Variants in NEK10 observed in about 807,000 individuals in gnomAD.
The protein encoded by NEK10 is NIMA related kinase 10.
A neutral mutation model predicts 159.8 loss-of-function variants in NEK10; 122 were observed. That is an observed-to-expected ratio of 0.76 (90% CI 0.66 to 0.89). The LOEUF (loss-of-function observed/expected upper bound fraction) is 0.89. Ranked by LOEUF, NEK10 falls within the 40% of genes least tolerant of loss-of-function variation. NEK10 has a pLI of 0.00. For synonymous variants in NEK10, 466 were observed against 457.1 expected, an observed-to-expected ratio of 1.02 and a Z score of -0.25; for missense variants, 1,342 against 1,323.1, an observed-to-expected ratio of 1.01 and a Z score of -0.22.
intron 22 of NEK10, among the ~76,000 whole-genome samples, chr3:27,282,073 T>C (rs2042201395): frequency 6.6e-6 from 1 of 152,154 alleles, no homozygotes; most frequent in Admixed American, 6.5e-5. Flanking sequence ...AATGTAAACA[T>C]TGAATATTGA....
chr3:27,171,720 G>T lies in NEK10; in HGVS notation c.2831+99C>A, dbSNP rs960778122. The T allele has an allele frequency of 1.1e-5, 14 of 1,219,370 alleles. No homozygotes were observed. The African/African-American group carries it at 1.5e-4, about 13-fold the overall frequency. The allele number at this position is 1,219,370 out of a possible 1,614,324, so 75.5% of individuals were successfully genotyped here. ...TAAGCTCTAACTCCTATTTCCGCAG[G>T]CACATGGAAACTTCTGGCTATCAGG... On this transcript the variant is annotated intron_variant, in intron 29 of 35. Coordinates refer to ENST00000691995, the MANE Select transcript of NEK10 (RefSeq NM_001394966.1).
Position 27,310,988 on chromosome 3 carries a change from T to C in NEK10, c.597A>G (p.Lys199=), listed in dbSNP as rs533360363. The C allele has an allele frequency of 4.3e-6, 7 of 1,612,404 alleles. No homozygotes were observed. The South Asian group carries it at 6.6e-5, about 15-fold the overall frequency. Residue 199 remains lysine, a synonymous_variant, in exon 9 of 36, where the codon AAA becomes AAG. Transcript: ENST00000691995. ...TYIFQKLAAV[K]DQREWVTTSG... ...TTGTGGTGACCCATTCTCTTTGATC[T>C]TTGACTGCAGCAAGTTTTTGAAAAA...
At position 27,237,647 on chromosome 3, in the gene NEK10, GGAGGAAGGGTGGGAGTGGGGT is replaced by G. The variant is rs549840430; in HGVS notation, c.2090+18628_2090+18648del. Among the ~76,000 whole-genome samples, 17 of 152,136 alleles carry G rather than the reference GGAGGAAGGGTGGGAGTGGGGT, an allele frequency of 1.1e-4. No homozygotes were observed. In the South Asian group the frequency reaches 2.1e-3, roughly 19 times the overall value. On this transcript the variant is annotated intron_variant, in intron 23 of 35. Coordinates refer to ENST00000691995, the MANE Select transcript of NEK10 (RefSeq NM_001394966.1). ...TGATATAATGGATTTTGGGAACTCA[GGAGGAAGGGTGGGAGTGGGGT>G]GAGGAAGGGTGGGAGTGGGGTGAGA...
At chr3:27,280,935 G>GTA (rs1354172577) in intron 22 of NEK10, among the ~76,000 whole-genome samples, 6 of 145,458 alleles carry the variant, frequency 4.1e-5, no homozygotes, top group Non-Finnish European at 9.2e-5. Flanking sequence ...GTGTGTGTGT[G>GTA]TGTATATGTA....
chr3:27,144,590 T>C (rs941462997), intron 30 of NEK10, among the ~76,000 whole-genome samples: 11 of 152,314 alleles, frequency 7.2e-5, no homozygotes, highest in African/African-American at 2.6e-4. Context: ...GCCAATCTGA[T>C]TGCTTTTGTA....
At chr3:27,302,456 T>C (rs971385980) in intron 12 of NEK10, among the ~76,000 whole-genome samples, 1 of 152,192 alleles carries the variant, frequency 6.6e-6, no homozygotes, top group Non-Finnish European at 1.5e-5. Context: ...CCTTGTTTTC[T>C]TTCCTAGCTC....
intron 23 of NEK10, among the ~76,000 whole-genome samples, chr3:27,203,486 G>A (rs1447106382): frequency 1.3e-5 from 2 of 152,118 alleles, no homozygotes; most frequent in Non-Finnish European, 2.9e-5. Context: ...TTTTTGTGAA[G>A]GCGAGTGTAG....
At chr3:27,248,129 T>A (rs757367475) in intron 23 of NEK10, among the ~76,000 whole-genome samples, 2 of 152,148 alleles carry the variant, frequency 1.3e-5, no homozygotes, top group African/African-American at 2.4e-5. Context: ...ATTTACTTAC[T>A]TCTAAATTTT....
rs977817459 is a variant in NEK10 at position 27,295,619 on chromosome 3, T to G, written c.1302A>C (p.Leu434=). Residue 434 remains leucine (L), a synonymous_variant, in exon 15 of 36, where the codon CTA becomes CTC. Transcript: ENST00000691995. ...CAAGAGACATGTTTATTACCTGTAA[T>G]AGATTACTTTTTGCTGCATTCTTTT... The part of the protein sequence containing the change: ...NKQKNAAKSN[L]LQCYAFRALR... 3 of 1,562,224 alleles carry G rather than the reference T, an allele frequency of 1.9e-6. No homozygotes were observed. The South Asian group carries it at 3.5e-5, about 18-fold the overall frequency.
intron 6 of NEK10, among the ~76,000 whole-genome samples, chr3:27,320,860 G>A (rs185440440): frequency 6.6e-6 from 1 of 152,244 alleles, no homozygotes; most frequent in East Asian, 1.9e-4. Flanking sequence ...GTGGCTGGTT[G>A]GTACCAAAAT....
In NEK10 at chr3:27,222,511, G is replaced by A. The variant is rs544756966; in HGVS notation, c.2091-19954C>T. On this transcript the variant is annotated intron_variant, in intron 23 of 35. Transcript: ENST00000691995. ...ATAATACAAAAGAATGAAAAACATC[G>A]AAATAATTCTTAGCCCCAGGTGGTG... Among the ~76,000 whole-genome samples, 16 of 152,172 alleles carry A rather than the reference G, an allele frequency of 1.1e-4. No homozygotes were observed. The South Asian group carries it at 2.9e-3, about 28-fold the overall frequency.
intron 5 of NEK10, among the ~76,000 whole-genome samples, chr3:27,329,146 G>A (rs2046220220): frequency 6.6e-6 from 1 of 152,120 alleles, no homozygotes; most frequent in Non-Finnish European, 1.5e-5. Flanking sequence ...TTTTAAAAAT[G>A]GGAGTTTCCC....
chr3:27,122,249 G>A (rs147926791), intron 32 of NEK10, among the ~76,000 whole-genome samples: 12 of 152,100 alleles, frequency 7.9e-5, no homozygotes, highest in African/African-American at 1.9e-4. Context: ...CTCTCCTGCC[G>A]CCCAGTGAAG....
At chr3:27,248,015 T>G (rs1025131028) in intron 23 of NEK10, among the ~76,000 whole-genome samples, 5 of 152,108 alleles carry the variant, frequency 3.3e-5, no homozygotes, top group African/African-American at 1.2e-4. Context: ...TTTTCTTTAC[T>G]GGGAGACTTT....
intron 23 of NEK10, among the ~76,000 whole-genome samples, chr3:27,223,047 T>C (rs1190021233): frequency 5.9e-5 from 9 of 152,200 alleles, no homozygotes; most frequent in Admixed American, 2.0e-4. Flanking sequence ...ATAGAACTTT[T>C]TAGAGCTAGG....
At chr3:27,331,240 A>AAAAAAAAAACAAAC (rs1553638962) in intron 5 of NEK10, among the ~76,000 whole-genome samples, 34 of 91,034 alleles carry the variant, frequency 3.7e-4, no homozygotes, top group African/African-American at 8.8e-4. Context: ...TCTGTCTCAA[A>AAAAAAAAAACAAAC]AAAAAAAAAA....
rs1451140395 is a variant in NEK10 at position 27,107,057 on chromosome 3, G to A, written c.*4215C>T. 6.6e-6 allele frequency among the ~76,000 whole-genome samples: 1 copy of A among 151,970 alleles called. No individual in the cohort carries two copies. Among genetic ancestry groups the A allele is most frequent in the Non-Finnish European group, 1.5e-5 (1 of 68,022 alleles). ...TAAGACTACAGTTCATTTACTTTTA[G>A]GATAAAGCAATGAACTGTATCTTAA... is the stretch of plus-strand genomic sequence containing the variant. On this transcript the variant is annotated 3_prime_UTR_variant, in exon 36 of 36. Transcript: ENST00000691995.
At chr3:27,179,835 C>G (rs1041015415) in intron 26 of NEK10, among the ~76,000 whole-genome samples, 3 of 152,156 alleles carry the variant, frequency 2.0e-5, no homozygotes, top group African/African-American at 7.2e-5. Flanking sequence ...AATCCTAGCA[C>G]TTCAGGAGGC....
intron 1 of NEK10, among the ~76,000 whole-genome samples, chr3:27,365,295 G>A (rs2048975488): frequency 6.6e-6 from 1 of 152,094 alleles, no homozygotes; most frequent in Admixed American, 6.6e-5. Context: ...ATTTTTACAG[G>A]AGGGCTTAGG....
Sources: allele counts gnomAD v4.1 joint callset (sites outside exome capture counted in the v4.1 genomes callset), GRCh38; gene constraint gnomAD v4.1.1; transcripts MANE v1.5; gene names NCBI Gene and HGNC (gene_info 2026-07-23, HGNC 2026-07-21).